Variants in CHSY3 observed in about 807,000 individuals in gnomAD.
CHSY3 encodes chondroitin sulfate synthase 3.
Under a neutral mutation model 67.2 loss-of-function variants are expected in CHSY3, and 35 were observed. That is an observed-to-expected ratio of 0.52 (90% CI 0.40 to 0.69). The LOEUF (loss-of-function observed/expected upper bound fraction) is 0.69. Among genes scored for constraint, CHSY3 ranks in the 30% least tolerant of loss-of-function variants. The probability of loss-of-function intolerance (pLI) is 0.00; values close to 1 mark genes in which losing one functional copy is unlikely to be tolerated. For missense variants in CHSY3, 1,069 were observed against 1,138.5 expected, an observed-to-expected ratio of 0.94 and a Z score of 0.88; for synonymous variants, 474 against 434.7, an observed-to-expected ratio of 1.09 and a Z score of -1.12.
intron 2 of CHSY3, among the ~76,000 whole-genome samples, chr5:130,011,342 T>G (rs1764054315): frequency 6.6e-6 from 1 of 152,118 alleles, no homozygotes; most frequent in African/African-American, 2.4e-5. Context: ...TAAATGTGAT[T>G]CATCACATAA....
chr5:129,945,327 A>C (rs1432443690), intron 2 of CHSY3, among the ~76,000 whole-genome samples: 2 of 152,248 alleles, frequency 1.3e-5, no homozygotes, highest in African/African-American at 4.8e-5. Flanking sequence ...GTGGCCAAAC[A>C]TCCCAAGAAA....
intron 2 of CHSY3, among the ~76,000 whole-genome samples, chr5:129,920,372 A>C (rs1379120888): frequency 6.6e-6 from 1 of 152,180 alleles, no homozygotes; most frequent in Non-Finnish European, 1.5e-5. Flanking sequence ...CAGCCTCCTG[A>C]GTAGCTAAGA....
chr5:129,911,579 C>CTA (rs1048854309), intron 2 of CHSY3, among the ~76,000 whole-genome samples: 1 of 152,066 alleles, frequency 6.6e-6, no homozygotes, highest in African/African-American at 2.4e-5. Flanking sequence ...ATATCACGTA[C>CTA]TATATTATAC....
At chr5:130,018,925 G>C (rs1222722532) in intron 2 of CHSY3, among the ~76,000 whole-genome samples, 1 of 152,072 alleles carries the variant, frequency 6.6e-6, no homozygotes, top group African/African-American at 2.4e-5. Flanking sequence ...GATGCCCTCA[G>C]GCTTGATCCC....
intron 2 of CHSY3, among the ~76,000 whole-genome samples, chr5:129,940,589 C>T (rs1174800671): frequency 1.3e-5 from 2 of 151,862 alleles, no homozygotes; most frequent in African/African-American, 2.4e-5. Context: ...ATAAAATTGA[C>T]CTTTTCCCTC....
At chr5:130,041,507 G>T (rs1031690074) in intron 2 of CHSY3, among the ~76,000 whole-genome samples, 17 of 152,080 alleles carry the variant, frequency 1.1e-4, no homozygotes, top group African/African-American at 4.1e-4. Context: ...TGACCAGGAA[G>T]CCACACGTTA....
chr5:129,966,562 T>C (rs1762474242), intron 2 of CHSY3, among the ~76,000 whole-genome samples: 1 of 151,648 alleles, frequency 6.6e-6, no homozygotes, highest in African/African-American at 2.4e-5. Context: ...AACAAATACC[T>C]TTATTTGTGT....
At chr5:130,006,961 A>G (rs1668677553) in intron 2 of CHSY3, among the ~76,000 whole-genome samples, 1 of 152,202 alleles carries the variant, frequency 6.6e-6, no homozygotes, top group South Asian at 2.1e-4. Context: ...TCTTGTTAAA[A>G]TGCAGATTCT....
At chr5:129,996,188 G>A (rs551855676) in intron 2 of CHSY3, among the ~76,000 whole-genome samples, 5 of 152,262 alleles carry the variant, frequency 3.3e-5, no homozygotes, top group African/African-American at 1.2e-4. Flanking sequence ...CCTAACAACA[G>A]CAGCTGTTAT....
At position 130,185,454 on chromosome 5, in the gene CHSY3, A is replaced by C; in HGVS notation, c.2312A>C (p.Lys771Thr). The C allele has an allele frequency of 6.2e-7, 1 of 1,614,078 alleles. No individual in the cohort carries two copies. The change falls in exon 3 of 3, where the codon AAG (lysine) becomes ACG (threonine). Residue 771 changes from lysine to threonine, a missense_variant. Lys to Thr is a moderately conservative substitution (Grantham distance 78, BLOSUM62 -1). This residue lies in a region of CHSY3 where 139 missense variants were observed against 152.8 expected (regional missense o/e 0.91). Transcript: ENST00000305031. ...GATGATTACTTCATATTCTCAAAAA[A>C]GACTGGATTTTGGAGAGACTATGGA... Reference protein sequence around the residue: ...PTDDYFIFSKKTGFWRDYGYG... With the variant: ...PTDDYFIFSKTTGFWRDYGYG...
intron 1 of CHSY3, among the ~76,000 whole-genome samples, chr5:129,906,288 A>G (rs1040896707): frequency 5.3e-5 from 8 of 152,100 alleles, no homozygotes; most frequent in African/African-American, 1.9e-4. Flanking sequence ...GTTCAGCACC[A>G]AGCCGTCCCC....
At chr5:130,063,408 A>G (rs972815831) in intron 2 of CHSY3, among the ~76,000 whole-genome samples, 2 of 152,054 alleles carry the variant, frequency 1.3e-5, no homozygotes, top group Non-Finnish European at 2.9e-5. Context: ...CTGTACTAGA[A>G]TGTTCTTCAT....
In CHSY3 at chr5:130,140,250, G is replaced by C. The variant is rs1768818100; in HGVS notation, c.1087-43979G>C. On this transcript the variant is annotated intron_variant, in intron 2 of 2. Transcript: ENST00000305031. Reference sequence around the variant, plus strand: ...ACATGGTTTTTGATGCCAAATATCTGACTGGATGGAGATTTGAGGATACTG... The same window carrying C: ...ACATGGTTTTTGATGCCAAATATCTCACTGGATGGAGATTTGAGGATACTG... The C allele has an allele frequency of 1.6e-5, 5 of 312,242 alleles. No individual in the cohort carries two copies. In the South Asian group the frequency reaches 3.0e-4, roughly 19 times the overall value. 19.3% of individuals were successfully genotyped at this position (312,242 alleles called of 1,614,324 possible).
At chr5:130,106,138 C>T (rs1767407830) in intron 2 of CHSY3, among the ~76,000 whole-genome samples, 1 of 151,530 alleles carries the variant, frequency 6.6e-6, no homozygotes, top group South Asian at 2.1e-4. Flanking sequence ...AAATCATTGC[C>T]AATTATGTTA....
chr5:129,977,119 A>G (rs1351655384), intron 2 of CHSY3, among the ~76,000 whole-genome samples: 1 of 152,158 alleles, frequency 6.6e-6, no homozygotes, highest in African/African-American at 2.4e-5. Context: ...TTTACTTAGA[A>G]GAAAGTCAGA....
At chr5:130,163,213 AT>A (rs199940197) in intron 2 of CHSY3, among the ~76,000 whole-genome samples, 397 of 152,374 alleles carry the variant, frequency 2.6e-3, no homozygotes, top group African/African-American at 7.9e-3. Flanking sequence ...AGTGAGATAC[AT>A]AGTTTTATTT....
intron 2 of CHSY3, among the ~76,000 whole-genome samples, chr5:129,970,403 T>C (rs1427304251): frequency 1.3e-3 from 4 of 3,122 alleles, no homozygotes; most frequent in African/African-American, 2.7e-3. Context: ...ACAGATTAGA[T>C]AGATAGATAG....
intron 2 of CHSY3, among the ~76,000 whole-genome samples, chr5:129,962,946 G>T (rs950142559): frequency 1.3e-5 from 2 of 151,972 alleles, no homozygotes; most frequent in Non-Finnish European, 2.9e-5. Flanking sequence ...CAACTTGGGG[G>T]TCTTTGCGGG....
intron 2 of CHSY3, among the ~76,000 whole-genome samples, chr5:129,921,366 G>T (rs988050351): frequency 3.3e-5 from 5 of 152,146 alleles, no homozygotes. Flanking sequence ...TGACCACCAG[G>T]CAGGTAGCAT....
Sources: allele counts gnomAD v4.1 joint callset (sites outside exome capture counted in the v4.1 genomes callset), GRCh38; gene constraint gnomAD v4.1.1; regional missense constraint gnomAD v4.1.1; transcripts MANE v1.5; gene names NCBI Gene and HGNC (gene_info 2026-07-23, HGNC 2026-07-21).